ZNF831: variants seen among roughly 807,000 people sequenced by gnomAD.
ZNF831 encodes chromosome 20 open reading frame 174.
A neutral mutation model predicts 95.8 loss-of-function variants in ZNF831; 59 were observed. That is an observed-to-expected ratio of 0.62 (90% confidence interval 0.50 to 0.77). The LOEUF (loss-of-function observed/expected upper bound fraction) is 0.77. ZNF831 is among the 30% of genes least tolerant of loss of function. ZNF831 has a pLI of 0.00. For synonymous variants in ZNF831, 961 were observed against 925.5 expected (o/e 1.04, Z -0.70); for missense variants, 2,205 against 2,164.0 (o/e 1.02, Z -0.38).
In ZNF831 at chr20:59,193,997, C is replaced by G. The variant is rs759714543; in HGVS notation, c.2978C>G (p.Ala993Gly). 6.5e-7 allele frequency: 1 copy of G among 1,531,494 alleles called. No homozygotes were observed. The highest frequency in any genetic ancestry group is 8.8e-7 in the Non-Finnish European group (1 of 1,141,216). 94.9% of individuals were successfully genotyped at this position (1,531,494 alleles called of 1,614,324 possible). A position where few individuals can be genotyped will look rare whatever the true frequency, so the allele number is the denominator to read the frequency against. ...GLGTPLSPSPASGPSPGEADS... is the reference protein window; with the variant it reads ...GLGTPLSPSPGSGPSPGEADS... Reference sequence around the variant, plus strand: ...GGGACCCCTCTTTCTCCCAGCCCAGCCTCAGGCCCCTCCCCAGGTGAGGCG... The same window carrying G: ...GGGACCCCTCTTTCTCCCAGCCCAGGCTCAGGCCCCTCCCCAGGTGAGGCG... The change falls in exon 2 of 6, where the codon GCC (alanine) becomes GGC (glycine). Residue 993 changes from alanine (A) to glycine (G), a missense_variant. Physicochemically the swap from Ala to Gly is moderately conservative, Grantham distance 60. Coordinates refer to ENST00000371030, the MANE Select transcript of ZNF831 (RefSeq NM_178457.3).
chr20:59,237,721 C>T (rs1987080885), intron 4 of ZNF831, among the ~76,000 whole-genome samples: 1 of 152,096 alleles, frequency 6.6e-6, no homozygotes, highest in Admixed American at 6.5e-5. Flanking sequence ...GTGAGGTGCT[C>T]CCCCCATGAA....
intron 3 of ZNF831, among the ~76,000 whole-genome samples, chr20:59,206,001 C>A (rs1314461245): frequency 6.6e-6 from 1 of 152,164 alleles, no homozygotes; most frequent in Non-Finnish European, 1.5e-5. Context: ...GGACATGAAA[C>A]AATAGAAATA....
chr20:59,147,962 C>A (rs1367559749), intron 2 of ZNF831, among the ~76,000 whole-genome samples: 1 of 152,206 alleles, frequency 6.6e-6, no homozygotes, highest in Non-Finnish European at 1.5e-5. Context: ...CGTGGCAGCA[C>A]ACTGTTGGGA....
chr20:59,212,807 A>T (rs1010577255), intron 4 of ZNF831, among the ~76,000 whole-genome samples: 1 of 152,046 alleles, frequency 6.6e-6, no homozygotes, highest in African/African-American at 2.4e-5. Flanking sequence ...GTAAATTTAG[A>T]CCCCATTCAA....
At chr20:59,240,117 C>T (rs1386624085) in intron 4 of ZNF831, among the ~76,000 whole-genome samples, 1 of 150,008 alleles carries the variant, frequency 6.7e-6, no homozygotes, top group Non-Finnish European at 1.5e-5. Context: ...CTCACCCCCA[C>T]CCCCACCTAC....
chr20:59,125,324 A>G (rs1014294108), intron 1 of ZNF831, among the ~76,000 whole-genome samples: 1 of 152,218 alleles, frequency 6.6e-6, no homozygotes, highest in African/African-American at 2.4e-5. Flanking sequence ...TGTTTCAACA[A>G]TTCAGAAGTG....
intron 1 of ZNF831, among the ~76,000 whole-genome samples, chr20:59,138,822 A>G (rs2146442387): frequency 6.6e-6 from 1 of 152,336 alleles, no homozygotes; most frequent in African/African-American, 2.4e-5. Context: ...GTTTTAGGCC[A>G]CTGGGACTTG....
intron 4 of ZNF831, among the ~76,000 whole-genome samples, chr20:59,249,085 G>T (rs1051387906): frequency 6.6e-6 from 1 of 152,184 alleles, no homozygotes; most frequent in African/African-American, 2.4e-5. Flanking sequence ...CCCGCAAGCT[G>T]CTTTCCCCTT....
chr20:59,144,864 A>AT (rs2146447405), intron 1 of ZNF831, among the ~76,000 whole-genome samples: 1 of 152,210 alleles, frequency 6.6e-6, no homozygotes, highest in East Asian at 1.9e-4. Flanking sequence ...CCTAGAGGAC[A>AT]TCTCATTTAA....
intron 4 of ZNF831, among the ~76,000 whole-genome samples, chr20:59,248,085 G>A (rs780106347): frequency 8.5e-5 from 13 of 152,188 alleles, no homozygotes; most frequent in African/African-American, 2.4e-4. Context: ...ATTTCTGAGG[G>A]AAGTTATTAA....
At chr20:59,195,526 C>T (rs753463016) in intron 2 of ZNF831, among the ~76,000 whole-genome samples, 57 of 152,156 alleles carry the variant, frequency 3.7e-4, no homozygotes, top group Non-Finnish European at 4.1e-4. Context: ...TTGAGAGTAG[C>T]GGGTTAGTCA....
chr20:59,139,139 G>C (rs1193886882), intron 1 of ZNF831, among the ~76,000 whole-genome samples: 1 of 152,074 alleles, frequency 6.6e-6, no homozygotes, highest in Non-Finnish European at 1.5e-5. Flanking sequence ...GTTATACGTT[G>C]AATCATACAG....
intron 2 of ZNF831, among the ~76,000 whole-genome samples, chr20:59,152,290 C>T (rs1980290391): frequency 6.6e-6 from 1 of 151,416 alleles, no homozygotes; most frequent in Non-Finnish European, 1.5e-5. Context: ...GTCACAGGGA[C>T]TCTGCTGCTG....
At chr20:59,184,385 T>C (rs1982845376) in intron 1 of ZNF831, among the ~76,000 whole-genome samples, 1 of 151,890 alleles carries the variant, frequency 6.6e-6, no homozygotes. Flanking sequence ...TGGGCAATGA[T>C]ATAGTTCCTC....
intron 1 of ZNF831, among the ~76,000 whole-genome samples, chr20:59,142,352 A>T (rs1409448013): frequency 2.0e-5 from 3 of 152,194 alleles, no homozygotes; most frequent in Non-Finnish European, 4.4e-5. Context: ...CCTGGGAAGG[A>T]TGGGAAACTA....
At chr20:59,183,477 T>C (rs1259403053) in intron 1 of ZNF831, among the ~76,000 whole-genome samples, 2 of 152,178 alleles carry the variant, frequency 1.3e-5, no homozygotes, top group Non-Finnish European at 2.9e-5. Flanking sequence ...ATTTGAAAAA[T>C]TTTAATAGGT....
intron 1 of ZNF831, among the ~76,000 whole-genome samples, chr20:59,129,792 G>A (rs1000388951): frequency 6.6e-6 from 1 of 152,214 alleles, no homozygotes; most frequent in African/African-American, 2.4e-5. Context: ...CTCACACGGT[G>A]TGCAGGATTG....
intron 4 of ZNF831, among the ~76,000 whole-genome samples, chr20:59,249,641 A>G (rs1173857807): frequency 6.6e-6 from 1 of 152,182 alleles, no homozygotes; most frequent in Non-Finnish European, 1.5e-5. Context: ...CGGGAGGGTC[A>G]AGAAAGATTG....
intron 4 of ZNF831, among the ~76,000 whole-genome samples, chr20:59,221,058 A>G (rs1043031132): frequency 2.6e-5 from 4 of 152,208 alleles, no homozygotes; most frequent in African/African-American, 9.7e-5. Flanking sequence ...GAGAGGCTCA[A>G]GTTACATGAG....
Sources: allele counts gnomAD v4.1 joint callset (sites outside exome capture counted in the v4.1 genomes callset), GRCh38; gene constraint gnomAD v4.1.1; transcripts MANE v1.5; gene names NCBI Gene and HGNC (gene_info 2026-07-23, HGNC 2026-07-21).